The following ZNF420 variants were observed in gnomAD, a reference collection of about 807,000 sequenced individuals.
ZNF420 encodes ATM and p53-associated KZNF protein.
ZNF420 carries 31 observed loss-of-function variants against 44.7 expected under a neutral mutation model. The ratio of observed to expected loss-of-function variants is 0.69; its 90% CI spans 0.52 to 0.94. The LOEUF is 0.94. Among genes scored for constraint, ZNF420 ranks in the 40% least tolerant of loss-of-function variants. The pLI is 0.00. For missense variants in ZNF420, 681 were observed against 827.9 expected (o/e 0.82, Z 2.18); for synonymous variants, 245 against 267.4 (o/e 0.92, Z 0.82).
intron 1 of ZNF420, among the ~76,000 whole-genome samples, chr19:37,036,004 T>C (rs776007250): frequency 8.5e-5 from 13 of 152,182 alleles, no homozygotes; most frequent in Non-Finnish European, 1.8e-4. Context: ...AAGCCCATGG[T>C]TCACCATTTT....
intron 1 of ZNF420, among the ~76,000 whole-genome samples, chr19:37,019,258 C>G (rs1341090337): frequency 2.0e-5 from 3 of 151,966 alleles, no homozygotes; most frequent in Non-Finnish European, 2.9e-5. Flanking sequence ...TACAGATGGC[C>G]AATAAGCATG....
chr19:37,123,007 T>C (rs1483758234), intron 4 of ZNF420, among the ~76,000 whole-genome samples: 1 of 152,218 alleles, frequency 6.6e-6, no homozygotes, highest in Non-Finnish European at 1.5e-5. Context: ...AGTGAGGAGT[T>C]CTCAGTAAGT....
chr19:37,035,522 G>T (rs536322691), intron 1 of ZNF420, among the ~76,000 whole-genome samples: 1 of 152,186 alleles, frequency 6.6e-6, no homozygotes, highest in South Asian at 2.1e-4. Context: ...GTGTATGGTA[G>T]CTTCAAAACC....
intron 1 of ZNF420, among the ~76,000 whole-genome samples, chr19:37,035,672 C>G (rs1484518242): frequency 6.6e-6 from 1 of 152,180 alleles, no homozygotes; most frequent in Non-Finnish European, 1.5e-5. Context: ...ACTTCCTCCA[C>G]ATAGGGTTTA....
intron 2 of ZNF420, among the ~76,000 whole-genome samples, chr19:37,082,274 T>A (rs563058725): frequency 6.6e-6 from 1 of 152,164 alleles, no homozygotes; most frequent in Non-Finnish European, 1.5e-5. Context: ...GTGATTCTCC[T>A]GCCTCAGCCT....
chr19:37,024,888 G>A (rs551351099), intron 1 of ZNF420: 2 of 157,740 alleles, frequency 1.3e-5, no homozygotes, highest in Non-Finnish European at 2.8e-5. Context: ...TGCCGTAAAG[G>A]GCTTCTTACC....
intron 1 of ZNF420, among the ~76,000 whole-genome samples, chr19:37,051,530 A>G (rs990994683): frequency 6.6e-6 from 1 of 152,094 alleles, no homozygotes; most frequent in Non-Finnish European, 1.5e-5. Flanking sequence ...GTATTCTCTG[A>G]TGGTAGTTTG....
Position 37,078,485 on chromosome 19 carries a change from C to T in ZNF420, c.-210C>T, listed in dbSNP as rs1350561904. 1.3e-5 allele frequency: 2 copies of T among 152,408 alleles called. No individual in the cohort carries two copies. The highest frequency in any genetic ancestry group is 2.4e-5 in the African/African-American group (1 of 41,466). The allele number at this position is 152,408 out of a possible 1,614,324, so 9.4% of individuals were successfully genotyped here. ...GGGCCGCGTCTGTGGAGGAGCTTGG[C>T]TCCGCACCTGCTGGGCTGGCGAACC... is the stretch of plus-strand genomic sequence containing the variant. On this transcript the variant is annotated 5_prime_UTR_variant, in exon 1 of 5. Coordinates refer to ENST00000337995, the MANE Select transcript of ZNF420 (RefSeq NM_144689.5).
chr19:37,119,328 C>T (rs1970884807), intron 4 of ZNF420, among the ~76,000 whole-genome samples: 1 of 152,142 alleles, frequency 6.6e-6, no homozygotes, highest in African/African-American at 2.4e-5. Context: ...CACTCAAAAC[C>T]ACTCCACTAC....
intron 1 of ZNF420, among the ~76,000 whole-genome samples, chr19:37,053,520 A>G (rs905881199): frequency 4.6e-5 from 7 of 152,112 alleles, no homozygotes; most frequent in African/African-American, 1.4e-4. Flanking sequence ...GATGATGGTG[A>G]CATACCGATG....
chr19:37,116,741 G>A (rs1053704733), intron 4 of ZNF420, among the ~76,000 whole-genome samples: 1 of 152,154 alleles, frequency 6.6e-6, no homozygotes, highest in South Asian at 2.1e-4. Context: ...TGGAAAATTG[G>A]GTCACTCCCA....
intron 2 of ZNF420, among the ~76,000 whole-genome samples, chr19:37,085,056 A>G (rs1189224390): frequency 6.6e-6 from 1 of 152,034 alleles, no homozygotes; most frequent in Non-Finnish European, 1.5e-5. Context: ...CCAGCTTCCT[A>G]AGGTGGGAGC....
chr19:37,020,566 GTGTT>G (rs907151441), intron 1 of ZNF420, among the ~76,000 whole-genome samples: 1 of 152,184 alleles, frequency 6.6e-6, no homozygotes, highest in African/African-American at 2.4e-5. Context: ...GCTGCTTTTC[GTGTT>G]TGTTTCTTCT....
intron 1 of ZNF420, among the ~76,000 whole-genome samples, chr19:37,030,152 T>TTTGTTG (rs200374712): frequency 1.3e-5 from 2 of 151,824 alleles, no homozygotes; most frequent in Non-Finnish European, 2.9e-5. Context: ...GTTCTCTGTT[T>TTTGTTG]TTGTTGTTGT....
At chr19:37,086,245 T>C (rs909334884) in intron 2 of ZNF420, among the ~76,000 whole-genome samples, 8 of 152,132 alleles carry the variant, frequency 5.3e-5, no homozygotes, top group Admixed American at 5.2e-4. Context: ...GATCCACATT[T>C]GCACTGATCT....
At chr19:37,032,740 G>A (rs1000402669) in intron 1 of ZNF420, among the ~76,000 whole-genome samples, 3 of 152,218 alleles carry the variant, frequency 2.0e-5, no homozygotes, top group Non-Finnish European at 2.9e-5. Flanking sequence ...AGGAGGCAGA[G>A]TTTGCAGTGA....
chr19:37,017,460 G>T (rs2074616211), intron 1 of ZNF420, among the ~76,000 whole-genome samples: 2 of 152,128 alleles, frequency 1.3e-5, no homozygotes, highest in South Asian at 2.1e-4. Context: ...TATAACCAGG[G>T]TTATACACCA....
At chr19:37,030,515 A>C (rs974425812) in intron 1 of ZNF420, among the ~76,000 whole-genome samples, 3 of 152,216 alleles carry the variant, frequency 2.0e-5, no homozygotes, top group Non-Finnish European at 4.4e-5. Flanking sequence ...AAGTAAGGTC[A>C]TGCAATATTT....
chr19:37,017,982 C>A (rs2074619659), intron 1 of ZNF420, among the ~76,000 whole-genome samples: 1 of 151,966 alleles, frequency 6.6e-6, no homozygotes, highest in African/African-American at 2.4e-5. Context: ...ATGGTCAACA[C>A]ACAGACAAAA....
Sources: gnomAD v4.1 joint callset for allele counts (sites outside exome capture counted in the v4.1 genomes callset) on GRCh38, gnomAD v4.1.1 for gene constraint, MANE v1.5 for transcripts, NCBI Gene and HGNC (gene_info 2026-07-23, HGNC 2026-07-21) for gene names.